EDIL3: variants seen among roughly 807,000 people sequenced by gnomAD.
The protein encoded by EDIL3 is EGF-like repeat and discoidin I-like domain-containing protein 3.
A neutral mutation model predicts 67.4 loss-of-function variants in EDIL3; 37 were observed. That is an observed-to-expected ratio of 0.55 (90% CI 0.42 to 0.72). The LOEUF (loss-of-function observed/expected upper bound fraction) is 0.72, where lower values mean the gene tolerates loss of function less well. EDIL3 is among the 30% of genes least tolerant of loss of function. The pLI is 0.00. For synonymous variants in EDIL3, 195 were observed against 196.3 expected, an observed-to-expected ratio of 0.99 and a Z score of 0.05; for missense variants, 527 against 586.3, an observed-to-expected ratio of 0.90 and a Z score of 1.04.
intron 10 of EDIL3, among the ~76,000 whole-genome samples, chr5:83,944,219 A>G (rs890182018): frequency 1.3e-5 from 2 of 152,074 alleles, no homozygotes; most frequent in East Asian, 3.9e-4. Context: ...GAATAAAACT[A>G]GCCCATCTCC....
intron 1 of EDIL3, among the ~76,000 whole-genome samples, chr5:84,302,758 T>A (rs72778406): frequency 0.091 from 13,795 of 152,244 alleles, 778 homozygotes; most frequent in South Asian, 0.2. Flanking sequence ...ATCATCGACT[T>A]ACTTGCTGGT....
At chr5:83,975,502 C>T (rs1744863281) in intron 9 of EDIL3, among the ~76,000 whole-genome samples, 1 of 151,816 alleles carries the variant, frequency 6.6e-6, no homozygotes. Flanking sequence ...ACTGAGGACT[C>T]ATTTGTAGAT....
At chr5:84,123,002 T>G (rs907174689) in intron 5 of EDIL3, among the ~76,000 whole-genome samples, 2 of 151,958 alleles carry the variant, frequency 1.3e-5, no homozygotes, top group African/African-American at 4.8e-5. Context: ...AGGAACATGG[T>G]GAACTGCCTA....
chr5:83,992,346 T>A (rs1168754904), intron 9 of EDIL3, among the ~76,000 whole-genome samples: 1 of 152,150 alleles, frequency 6.6e-6, no homozygotes, highest in Non-Finnish European at 1.5e-5. Flanking sequence ...AAAATACTGA[T>A]CCAGCAATTA....
chr5:84,216,183 A>G (rs1744221381), intron 3 of EDIL3, among the ~76,000 whole-genome samples: 1 of 152,204 alleles, frequency 6.6e-6, no homozygotes, highest in Non-Finnish European at 1.5e-5. Context: ...CATTGACAGG[A>G]AGCCTGTAAG....
At chr5:84,162,023 T>C (rs982851287) in intron 4 of EDIL3, among the ~76,000 whole-genome samples, 1 of 152,088 alleles carries the variant, frequency 6.6e-6, no homozygotes, top group African/African-American at 2.4e-5. Context: ...ATCACTGTCT[T>C]TCCCAAGCAG....
chr5:84,175,658 G>T (rs1748889758), intron 4 of EDIL3, among the ~76,000 whole-genome samples: 1 of 152,178 alleles, frequency 6.6e-6, no homozygotes, highest in East Asian at 1.9e-4. Context: ...AATGCCGAAT[G>T]ACGCTTCATC....
chr5:84,078,248 C>G (rs10059873), intron 6 of EDIL3, among the ~76,000 whole-genome samples: 100,889 of 151,942 alleles, frequency 0.66, 34,356 homozygotes, highest in African/African-American at 0.82. Flanking sequence ...GCTTAGGTGA[C>G]TATCCCCAGA....
chr5:84,360,078 T>C (rs1747565327), intron 1 of EDIL3, among the ~76,000 whole-genome samples: 1 of 152,194 alleles, frequency 6.6e-6, no homozygotes, highest in African/African-American at 2.4e-5. Context: ...CATGTTTCTA[T>C]GACTTAAAGA....
chr5:84,270,888 T>C (rs762545720), intron 1 of EDIL3, among the ~76,000 whole-genome samples: 72 of 152,144 alleles, frequency 4.7e-4, no homozygotes, highest in Non-Finnish European at 5.9e-5. Context: ...AGATTACTTA[T>C]ACAGCCAAAC....
At chr5:83,957,794 A>G (rs1473871461) in intron 10 of EDIL3, among the ~76,000 whole-genome samples, 2 of 151,686 alleles carry the variant, frequency 1.3e-5, no homozygotes, top group African/African-American at 2.4e-5. Context: ...AAATAAACGG[A>G]TTAAATCAAA....
At chr5:84,205,568 T>C (rs552844705) in intron 3 of EDIL3, among the ~76,000 whole-genome samples, 2 of 152,302 alleles carry the variant, frequency 1.3e-5, no homozygotes, top group East Asian at 1.9e-4. Context: ...GGTAAACTAT[T>C]GATTATTGCC....
chr5:84,100,508 A>C, intron 6 of EDIL3, among the ~76,000 whole-genome samples: 1 of 152,210 alleles, frequency 6.6e-6, no homozygotes, highest in African/African-American at 2.4e-5. Context: ...CTCAGTCATA[A>C]GTGGGAGCTG....
chr5:84,371,450 T>TAGAGAG (rs142715442), intron 1 of EDIL3, among the ~76,000 whole-genome samples: 3 of 103,988 alleles, frequency 2.9e-5, no homozygotes, highest in African/African-American at 6.6e-5. Flanking sequence ...TATATATATA[T>TAGAGAG]AGAGAGAGAG....
chr5:84,094,033 A>G (rs1176407060), intron 6 of EDIL3, among the ~76,000 whole-genome samples: 1 of 152,174 alleles, frequency 6.6e-6, no homozygotes, highest in African/African-American at 2.4e-5. Context: ...TAGAGTTAAG[A>G]TCTAAAACAC....
intron 1 of EDIL3, among the ~76,000 whole-genome samples, chr5:84,256,705 G>A (rs1298445114): frequency 6.6e-6 from 1 of 152,160 alleles, no homozygotes; most frequent in Non-Finnish European, 1.5e-5. Context: ...ATGGGAAAGT[G>A]TATCACCACA....
chr5:84,177,460 G>A (rs1006179777), intron 4 of EDIL3, among the ~76,000 whole-genome samples: 11 of 152,042 alleles, frequency 7.2e-5, no homozygotes, highest in African/African-American at 2.4e-4. Flanking sequence ...GGTGTACAGG[G>A]GATTTTTAGT....
At chr5:84,097,028 G>A (rs1326453201) in intron 6 of EDIL3, among the ~76,000 whole-genome samples, 1 of 152,116 alleles carries the variant, frequency 6.6e-6, no homozygotes, top group East Asian at 1.9e-4. Flanking sequence ...CAGCCATGTG[G>A]AACTGTAAGT....
intron 1 of EDIL3, among the ~76,000 whole-genome samples, chr5:84,328,191 G>A (rs1462768216): frequency 2.6e-5 from 4 of 151,954 alleles, no homozygotes; most frequent in Non-Finnish European, 5.9e-5. Flanking sequence ...AGTTAAATAT[G>A]TGAGCCTTTG....
Sources: gnomAD v4.1 joint callset for allele counts (sites outside exome capture counted in the v4.1 genomes callset) on GRCh38, gnomAD v4.1.1 for gene constraint, MANE v1.5 for transcripts, NCBI Gene and HGNC (gene_info 2026-07-23, HGNC 2026-07-21) for gene names.